Variants in PRXL2A observed in about 807,000 individuals in gnomAD.
The protein encoded by PRXL2A is peroxiredoxin-like 2A.
In PRXL2A, 26 loss-of-function variants were observed where a neutral mutation model predicts 25.6. The ratio of observed to expected loss-of-function variants is 1.02; its 90% CI spans 0.74 to 1.41. PRXL2A has a LOEUF of 1.41. Among genes scored for constraint, PRXL2A ranks in the 40% most tolerant of loss-of-function variants. PRXL2A has a pLI of 0.00. For synonymous variants in PRXL2A, 98 were observed against 102.9 expected (o/e 0.95, Z 0.29); for missense variants, 246 against 273.9 (o/e 0.90, Z 0.72).
intron 2 of PRXL2A, among the ~76,000 whole-genome samples, chr10:80,422,207 A>G (rs545237756): frequency 6.6e-6 from 1 of 152,240 alleles, no homozygotes; most frequent in African/African-American, 2.4e-5. Context: ...ATATAACAGG[A>G]TTCTTAAGCT....
intron 4 of PRXL2A, 151 bp from the exon 5 acceptor site, chr10:80,427,181 C>CAG: frequency 1.8e-6 from 1 of 552,356 alleles, no homozygotes; most frequent in South Asian, 2.6e-5. Flanking sequence ...TGAATGTGGG[C>CAG]AGTGTGTGTG....
intron 5 of PRXL2A, among the ~76,000 whole-genome samples, chr10:80,430,889 T>TTTTG (rs1030537705): frequency 5.9e-5 from 9 of 152,226 alleles, no homozygotes; most frequent in East Asian, 5.8e-4. Context: ...TTGTTCGTGT[T>TTTTG]TTTGTTTGTT....
intron 1 of PRXL2A, among the ~76,000 whole-genome samples, chr10:80,419,289 T>C (rs7099935): frequency 0.052 from 6,133 of 117,750 alleles, 162 homozygotes; most frequent in African/African-American, 0.089. Flanking sequence ...CTGCCAGGAC[T>C]TCCTCTTTCT....
At chr10:80,417,532 G>A (rs1402988118) in intron 1 of PRXL2A, among the ~76,000 whole-genome samples, 1 of 152,132 alleles carries the variant, frequency 6.6e-6, no homozygotes, top group Non-Finnish European at 1.5e-5. Context: ...AAAGAGACAA[G>A]CAGGATAAAA....
chr10:80,412,617 C>T (rs1016358921), intron 1 of PRXL2A, among the ~76,000 whole-genome samples: 5 of 152,168 alleles, frequency 3.3e-5, no homozygotes, highest in East Asian at 1.9e-4. Flanking sequence ...CACACATGCA[C>T]GCTATAGAAG....
rs371829927 is a variant in PRXL2A at position 80,420,522 on chromosome 10, G to T, written c.55G>T (p.Ala19Ser). 1 of 1,613,532 alleles carries T rather than the reference G, an allele frequency of 6.2e-7. No individual in the cohort carries two copies. The highest frequency in any genetic ancestry group is 1.1e-5 in the South Asian group (1 of 90,860). ...CACCATGGGGATGTGGTCCATTGGTGCAGGAGCCCTGGGGGCTGCTGCCTT... is the reference window on the plus strand; with the variant it reads ...CACCATGGGGATGTGGTCCATTGGTTCAGGAGCCCTGGGGGCTGCTGCCTT... ...FFTMGMWSIG[A>S]GALGAAALAL... The change falls in exon 2 of 6, where the codon GCA (alanine) becomes TCA (serine). Residue 19 changes from alanine (A) to serine (S), a missense_variant. Transcript: ENST00000606162.
intron 5 of PRXL2A, among the ~76,000 whole-genome samples, chr10:80,429,799 C>T (rs913078345): frequency 6.6e-6 from 1 of 152,142 alleles, no homozygotes; most frequent in Non-Finnish European, 1.5e-5. Context: ...ACTCTGACAA[C>T]GTGGGGTTCC....
At chr10:80,421,651 A>AT (rs72300118) in intron 2 of PRXL2A, among the ~76,000 whole-genome samples, 2,135 of 144,428 alleles carry the variant, frequency 0.015, 60 homozygotes, top group African/African-American at 0.049. Context: ...ACCTGACCCC[A>AT]TTTTTTTTTT....
Position 80,416,198 on chromosome 10 carries a change from C to G in PRXL2A, c.-2-4268C>G, listed in dbSNP as rs116709722. ...CTTTGTCAAATTAAAGAATTGGAAG[C>G]AGGCCTGTGGCAGGTTCTTTCCTGT... is the stretch of plus-strand genomic sequence containing the variant. On this transcript the variant is annotated intron_variant, in intron 1 of 5. Coordinates refer to ENST00000606162, the MANE Select transcript of PRXL2A (RefSeq NM_032333.5). 6.6e-3 allele frequency among the ~76,000 whole-genome samples: 1,000 copies of G among 152,342 alleles called. 12 individuals are homozygous for G. Among genetic ancestry groups the G allele is most frequent in the African/African-American group, 0.023 (965 of 41,582 alleles).
At chr10:80,430,403 G>A (rs117230638) in intron 5 of PRXL2A, among the ~76,000 whole-genome samples, 3,430 of 152,142 alleles carry the variant, frequency 0.023, 50 homozygotes, top group Middle Eastern at 0.041. Context: ...CACCCTGCCT[G>A]AATTTTCTTT....
chr10:80,427,715 C>G (rs1255344781), intron 5 of PRXL2A, among the ~76,000 whole-genome samples: 1 of 152,212 alleles, frequency 6.6e-6, no homozygotes, highest in East Asian at 1.9e-4. Flanking sequence ...TCACTCATCA[C>G]AGTGACATCA....
intron 1 of PRXL2A, chr10:80,413,995 G>A: frequency 2.3e-6 from 1 of 439,106 alleles, no homozygotes; most frequent in Non-Finnish European, 3.3e-6. Flanking sequence ...CTGAATTTGG[G>A]GCGGTGGGGG....
chr10:80,420,726 C>CT, intron 2 of PRXL2A, 81 bp downstream of exon 2: 15 of 1,090,702 alleles, frequency 1.4e-5, no homozygotes, highest in South Asian at 2.8e-5. Context: ...AAACTCTCTC[C>CT]TTTTTTTAAT....
chr10:80,432,024 C>CCTACAG lies in PRXL2A; in HGVS notation c.615_616insCTACAG (p.Asp205_Lys206insLeuGln), dbSNP rs1441716329. ...AGCACCGAGAAAAAGAATTTGGAGA[C>CCTACAG]AAAGTAAACCTACTTTCTGTTCTGG... On this transcript the variant is annotated inframe_insertion, in exon 6 of 6. Coordinates refer to ENST00000606162, the MANE Select transcript of PRXL2A (RefSeq NM_032333.5). The CCTACAG allele has an allele frequency of 3.3e-5, 53 of 1,610,868 alleles. No homozygotes were observed. Among genetic ancestry groups the CCTACAG allele is most frequent in the Non-Finnish European group, 4.2e-5 (50 of 1,179,052 alleles).
Position 80,419,601 on chromosome 10 carries a change from C to T in PRXL2A, c.-2-865C>T, listed in dbSNP as rs55744646. On this transcript the variant is annotated intron_variant, in intron 1 of 5. Coordinates refer to ENST00000606162, the MANE Select transcript of PRXL2A (RefSeq NM_032333.5). ...GGGATTACAGGCATGAGCCACCGCG[C>T]CCTGCCAGGACCTCCTCTTTCTGAT... 1.2e-4 allele frequency among the ~76,000 whole-genome samples: 19 copies of T among 152,286 alleles called. 1 individual carries two copies. The highest frequency in any genetic ancestry group is 1.0e-3 in the South Asian group (5 of 4,820).
chr10:80,430,815 G>A (rs77945229), intron 5 of PRXL2A, among the ~76,000 whole-genome samples: 9,832 of 152,146 alleles, frequency 0.065, 728 homozygotes, highest in African/African-American at 0.18. Context: ...TGTACTAGAT[G>A]TTCTTTTTTC....
chr10:80,412,499 A>G (rs35671072), intron 1 of PRXL2A, among the ~76,000 whole-genome samples: 17,865 of 152,266 alleles, frequency 0.12, 1,271 homozygotes, highest in South Asian at 0.31. Context: ...GGATGCAGGA[A>G]TGAAGACGAC....
intron 1 of PRXL2A, among the ~76,000 whole-genome samples, chr10:80,418,815 G>C (rs1589555440): frequency 1.3e-5 from 2 of 152,248 alleles, no homozygotes; most frequent in East Asian, 3.9e-4. Flanking sequence ...GCTTCCAGGA[G>C]CTCCCACCCA....
intron 5 of PRXL2A, among the ~76,000 whole-genome samples, chr10:80,431,233 G>A (rs1564696403): frequency 6.6e-6 from 1 of 151,536 alleles, no homozygotes; most frequent in Non-Finnish European, 1.5e-5. Context: ...ATGGTTTACT[G>A]AGCAAGTAAA....
Sources: gnomAD v4.1 joint callset for allele counts (sites outside exome capture counted in the v4.1 genomes callset) on GRCh38, gnomAD v4.1.1 for gene constraint, MANE v1.5 for transcripts, NCBI Gene and HGNC (gene_info 2026-07-23, HGNC 2026-07-21) for gene names.